Variants in UBE2H observed in about 807,000 individuals in gnomAD.
UBE2H encodes ubiquitin conjugating enzyme E2 H.
UBE2H carries 3 observed loss-of-function variants against 29.0 expected under a neutral mutation model. That is an observed-to-expected ratio of 0.10 (90% confidence interval 0.05 to 0.27). UBE2H has a LOEUF of 0.27. Among genes scored for constraint, UBE2H ranks in the 10% least tolerant of loss-of-function variants. The pLI is 1.00. For missense variants in UBE2H, 68 were observed against 228.2 expected, an observed-to-expected ratio of 0.30 and a Z score of 4.52; for synonymous variants, 69 against 82.9, an observed-to-expected ratio of 0.83 and a Z score of 0.91.
At chr7:129,877,110 A>G (rs963264562) in intron 3 of UBE2H, among the ~76,000 whole-genome samples, 7 of 152,328 alleles carry the variant, frequency 4.6e-5, no homozygotes, top group African/African-American at 1.4e-4. Flanking sequence ...TCTAATGGAT[A>G]TGGGTCATTT....
chr7:129,868,586 CAAAAAAAAAAAA>C (rs11356893), intron 3 of UBE2H, among the ~76,000 whole-genome samples: 5 of 69,514 alleles, frequency 7.2e-5, no homozygotes, highest in Admixed American at 2.2e-4. Context: ...GACTCCGTCT[CAAAAAAAAAAAA>C]AAAAAAAAAA....
Position 129,831,073 on chromosome 7 carries a change from T to A in UBE2H, c.*3864A>T, listed in dbSNP as rs1261124681. 1.3e-5 allele frequency: 2 copies of A among 151,690 alleles called. No individual in the cohort carries two copies. Among genetic ancestry groups the A allele is most frequent in the African/African-American group, 2.4e-5 (1 of 41,256 alleles). The allele number at this position is 151,690 out of a possible 1,614,324, so 9.4% of individuals were successfully genotyped here. A position where few individuals can be genotyped will look rare whatever the true frequency, so the allele number is the denominator to read the frequency against. ...GAGCCCTGGCTCTTCCTCAGATGAG[T>A]GGAAAACCTGCGCATGACAGGGCCG... On this transcript the variant is annotated 3_prime_UTR_variant, in exon 7 of 7. Coordinates refer to ENST00000355621, the MANE Select transcript of UBE2H (RefSeq NM_003344.4).
At chr7:129,882,380 C>T (rs2116376050) in intron 1 of UBE2H, among the ~76,000 whole-genome samples, 1 of 152,210 alleles carries the variant, frequency 6.6e-6, no homozygotes, top group Non-Finnish European at 1.5e-5. Flanking sequence ...AAAACAGAAA[C>T]ATTTAAAAAG....
chr7:129,941,807 G>A (rs1464268237), intron 1 of UBE2H, among the ~76,000 whole-genome samples: 1 of 151,984 alleles, frequency 6.6e-6, no homozygotes, highest in African/African-American at 2.4e-5. Context: ...CAGAAAGAAT[G>A]TAACAACAAC....
At chr7:129,927,727 A>G (rs1023999361) in intron 1 of UBE2H, among the ~76,000 whole-genome samples, 6 of 152,204 alleles carry the variant, frequency 3.9e-5, no homozygotes, top group African/African-American at 1.4e-4. Flanking sequence ...AAAGACATGT[A>G]TCGCATATTC....
intron 1 of UBE2H, among the ~76,000 whole-genome samples, chr7:129,937,346 AAAG>A (rs1807552790): frequency 6.6e-6 from 1 of 152,200 alleles, no homozygotes; most frequent in African/African-American, 2.4e-5. Flanking sequence ...AAAAAAGAAA[AAAG>A]AAAAAACATA....
At chr7:129,881,389 G>C (rs998532473) in intron 1 of UBE2H, among the ~76,000 whole-genome samples, 5 of 152,236 alleles carry the variant, frequency 3.3e-5, no homozygotes, top group African/African-American at 1.2e-4. Context: ...GCTCACGCCT[G>C]TAATCCCAAC....
chr7:129,900,936 G>C (rs1052040342), intron 1 of UBE2H, among the ~76,000 whole-genome samples: 19 of 151,958 alleles, frequency 1.3e-4, no homozygotes, highest in African/African-American at 4.1e-4. Flanking sequence ...ATTTTTAGTA[G>C]AGAAGGGGTT....
intron 1 of UBE2H, among the ~76,000 whole-genome samples, chr7:129,887,442 G>C (rs1282410088): frequency 6.6e-6 from 1 of 151,890 alleles, no homozygotes. Flanking sequence ...AGCTGGTCTT[G>C]AATTCCTGAC....
At position 129,832,474 on chromosome 7, in the gene UBE2H, ACT is replaced by A. The variant is rs1421015707; in HGVS notation, c.*2461_*2462del. 2 of 123,162 alleles carry A rather than the reference ACT, an allele frequency of 1.6e-5. No homozygotes were observed. Among genetic ancestry groups the A allele is most frequent in the Non-Finnish European group, 3.4e-5 (2 of 59,442 alleles). The allele number at this position is 123,162 out of a possible 1,614,324, so 7.6% of individuals were successfully genotyped here. ...TGGACACACACACACTCTCGCTCAC[ACT>A]CTCACACATGTGCACACATACACAC... On this transcript the variant is annotated 3_prime_UTR_variant, in exon 7 of 7. Transcript: ENST00000355621.
chr7:129,834,778 G>T lies in UBE2H; in HGVS notation c.*159C>A. ...GGTTGAGAAATGACCAAGAAATCAA[G>T]ATCTAAAGGGTGATATATAATATAT... On this transcript the variant is annotated 3_prime_UTR_variant, in exon 7 of 7. Transcript: ENST00000355621. 1 of 841,708 alleles carries T rather than the reference G, an allele frequency of 1.2e-6. No homozygotes were observed. The highest frequency in any genetic ancestry group is 1.7e-6 in the Non-Finnish European group (1 of 581,560). 52.1% of individuals were successfully genotyped at this position (841,708 alleles called of 1,614,324 possible). A position where few individuals can be genotyped will look rare whatever the true frequency, so the allele number is the denominator to read the frequency against.
chr7:129,858,989 T>C, intron 3 of UBE2H, 48 bp from the exon 4 acceptor site: 1 of 1,500,800 alleles, frequency 6.7e-7, no homozygotes, highest in Non-Finnish European at 9.2e-7. Context: ...CAGAGAACAA[T>C]AAAAGTATTT....
At chr7:129,867,984 G>C (rs1805948584) in intron 3 of UBE2H, among the ~76,000 whole-genome samples, 1 of 152,022 alleles carries the variant, frequency 6.6e-6, no homozygotes, top group South Asian at 2.1e-4. Flanking sequence ...CCAACACCAG[G>C]AATATAAGCA....
At chr7:129,873,112 G>C (rs868676910) in intron 3 of UBE2H, among the ~76,000 whole-genome samples, 1 of 148,844 alleles carries the variant, frequency 6.7e-6, no homozygotes, top group African/African-American at 2.5e-5. Flanking sequence ...TCCGCCTCCC[G>C]GGTTCACGCC....
intron 5 of UBE2H, among the ~76,000 whole-genome samples, chr7:129,856,643 G>C (rs1805711328): frequency 6.6e-6 from 1 of 152,176 alleles, no homozygotes; most frequent in South Asian, 2.1e-4. Context: ...TGGACATGTG[G>C]AGGGAAAAAC....
chr7:129,834,902 A>G lies in UBE2H; in HGVS notation c.*35T>C, dbSNP rs577454973. 8 of 1,611,152 alleles carry G rather than the reference A, an allele frequency of 5.0e-6. No individual in the cohort carries two copies. The African/African-American group carries it at 9.3e-5, about 19-fold the overall frequency. On this transcript the variant is annotated 3_prime_UTR_variant, in exon 7 of 7. Transcript: ENST00000355621. ...ATAGTCTGCTTCTCATGGTTAGGAA[A>G]TAATAGTCTTTCTGAAAAGCAGGTG...
intron 1 of UBE2H, among the ~76,000 whole-genome samples, chr7:129,906,973 T>C (rs1806830809): frequency 6.6e-6 from 1 of 152,228 alleles, no homozygotes; most frequent in Non-Finnish European, 1.5e-5. Flanking sequence ...GAGACATTAC[T>C]ACACATCTAT....
At chr7:129,847,161 T>C (rs118032471) in intron 5 of UBE2H, among the ~76,000 whole-genome samples, 9,672 of 152,180 alleles carry the variant, frequency 0.064, 371 homozygotes, top group Non-Finnish European at 0.092. Flanking sequence ...ATTCTCCTGC[T>C]TCAAGCTCTA....
chr7:129,947,102 TG>T (rs1363663284), intron 1 of UBE2H, among the ~76,000 whole-genome samples: 1 of 152,222 alleles, frequency 6.6e-6, no homozygotes, highest in African/African-American at 2.4e-5. Context: ...GGGACGTTTA[TG>T]GGTCACATCT....
Sources: gnomAD v4.1 joint callset for allele counts (sites outside exome capture counted in the v4.1 genomes callset) on GRCh38, gnomAD v4.1.1 for gene constraint, MANE v1.5 for transcripts, NCBI Gene and HGNC (gene_info 2026-07-23, HGNC 2026-07-21) for gene names.